Variants in SORBS2 observed in about 807,000 individuals in gnomAD.
The protein encoded by SORBS2 is sorbin and SH3 domain-containing protein 2.
A neutral mutation model predicts 97.7 loss-of-function variants in SORBS2; 46 were observed. That is an observed-to-expected ratio of 0.47 (90% CI 0.37 to 0.60). The LOEUF (loss-of-function observed/expected upper bound fraction) is 0.60. SORBS2 is among the 20% of genes least tolerant of loss of function. The pLI is 0.00. For missense variants in SORBS2, 1,316 were observed against 1,282.3 expected (o/e 1.03, Z -0.40); for synonymous variants, 476 against 473.4 (o/e 1.01, Z -0.07).
At position 185,638,866 on chromosome 4, in the gene SORBS2, A is replaced by G; in HGVS notation, c.396+7802T>C. On this transcript the variant is annotated intron_variant, in intron 4 of 14. Transcript: ENST00000418609. ...CGGGCATGAAGAAAGGTAAGGAAGG[A>G]AGGAGCTCACCCGGGTGGGAGACAG... 6.9e-7 allele frequency: 1 copy of G among 1,453,304 alleles called. No homozygotes were observed. The allele number at this position is 1,453,304 out of a possible 1,614,324, so 90.0% of individuals were successfully genotyped here.
At chr4:185,899,873 T>A (rs2099246785) in intron 1 of SORBS2, among the ~76,000 whole-genome samples, 2 of 152,018 alleles carry the variant, frequency 1.3e-5, no homozygotes, top group African/African-American at 2.4e-5. Flanking sequence ...GGGGTAAAGT[T>A]GGAAATATGA....
At chr4:185,919,074 G>A (rs2099259737) in intron 1 of SORBS2, among the ~76,000 whole-genome samples, 1 of 152,102 alleles carries the variant, frequency 6.6e-6, no homozygotes, top group African/African-American at 2.4e-5. Flanking sequence ...TTAGAACAAG[G>A]GACACTGGGA....
chr4:185,813,941 T>C (rs1460285606), intron 1 of SORBS2, among the ~76,000 whole-genome samples: 1 of 152,184 alleles, frequency 6.6e-6, no homozygotes, highest in Non-Finnish European at 1.5e-5. Flanking sequence ...ATGTCTTCTT[T>C]GCCCTCCATG....
chr4:185,912,981 T>C (rs2099256157), intron 1 of SORBS2, among the ~76,000 whole-genome samples: 1 of 149,876 alleles, frequency 6.7e-6, no homozygotes, highest in South Asian at 2.2e-4. Flanking sequence ...TCCTGGATGA[T>C]GAACATTTTG....
chr4:185,832,958 A>C (rs1012077198), intron 1 of SORBS2, among the ~76,000 whole-genome samples: 7 of 152,192 alleles, frequency 4.6e-5, no homozygotes, highest in Non-Finnish European at 1.5e-5. Context: ...ATCCTTGATA[A>C]AATTCTTTTC....
chr4:185,783,648 C>T (rs985300518), intron 1 of SORBS2, among the ~76,000 whole-genome samples: 10 of 152,130 alleles, frequency 6.6e-5, no homozygotes, highest in Middle Eastern at 6.3e-3. Flanking sequence ...TGTTCAGACC[C>T]TCGGGGTAAG....
Position 185,656,635 on chromosome 4 carries a change from T to A in SORBS2, c.4A>T (p.Lys2Ter), listed in dbSNP as rs2097409328. ...TTCACCTGCAAAGGTGTTGTTGCTTTCATCCTGTCCCCGGCTTCCTTCTCC... is the reference window on the plus strand; with the variant it reads ...TTCACCTGCAAAGGTGTTGTTGCTTACATCCTGTCCCCGGCTTCCTTCTCC... The change falls in exon 1 of 15, where the codon AAA becomes TAA. Residue 2 changes from lysine (K) to a stop codon, truncating the protein, a stop_gained. Coordinates refer to ENST00000418609, the Ensembl canonical transcript of SORBS2. LOFTEE classifies it high-confidence loss of function. The A allele has an allele frequency of 6.4e-7, 1 of 1,551,098 alleles. No individual in the cohort carries two copies.
intron 2 of SORBS2, among the ~76,000 whole-genome samples, chr4:185,688,289 G>C (rs530055138): frequency 6.6e-6 from 1 of 151,896 alleles, no homozygotes; most frequent in South Asian, 2.1e-4. Flanking sequence ...TTTTAGCCGT[G>C]GTGACCAACA....
intron 1 of SORBS2, among the ~76,000 whole-genome samples, chr4:185,862,093 C>A (rs1368983406): frequency 1.3e-5 from 2 of 152,074 alleles, no homozygotes; most frequent in Non-Finnish European, 2.9e-5. Context: ...AAGAAAATTT[C>A]CAGAAACACT....
intron 12 of SORBS2, among the ~76,000 whole-genome samples, chr4:185,597,180 A>G (rs892306147): frequency 1.3e-5 from 2 of 152,222 alleles, no homozygotes; most frequent in Admixed American, 1.3e-4. Flanking sequence ...AAGACGGCTC[A>G]TCTGCGTCTT....
chr4:185,691,180 G>A (rs1017145226), intron 2 of SORBS2, among the ~76,000 whole-genome samples: 1 of 152,038 alleles, frequency 6.6e-6, no homozygotes, highest in Non-Finnish European at 1.5e-5. Context: ...GATTACAGGC[G>A]TGAGCCACCG....
chr4:185,910,533 TTTA>T (rs2099254366), intron 1 of SORBS2, among the ~76,000 whole-genome samples: 1 of 152,124 alleles, frequency 6.6e-6, no homozygotes, highest in Non-Finnish European at 1.5e-5. Flanking sequence ...GTATGAAACT[TTTA>T]TTATTCATTT....
intron 12 of SORBS2, among the ~76,000 whole-genome samples, chr4:185,599,554 T>TA (rs1372556330): frequency 1.3e-5 from 2 of 152,002 alleles, no homozygotes; most frequent in Non-Finnish European, 2.9e-5. Flanking sequence ...ATCATGGATT[T>TA]AAAAAAAATC....
chr4:185,894,905 C>T (rs542911913), intron 1 of SORBS2, among the ~76,000 whole-genome samples: 5 of 152,304 alleles, frequency 3.3e-5, no homozygotes, highest in African/African-American at 1.2e-4. Flanking sequence ...ACAGGAGGGG[C>T]ATGATCACAC....
At chr4:185,724,453 A>G (rs1001390527) in intron 2 of SORBS2, among the ~76,000 whole-genome samples, 2 of 152,138 alleles carry the variant, frequency 1.3e-5, no homozygotes, top group African/African-American at 4.8e-5. Context: ...ACAAAACAGT[A>G]TCCTATGGGC....
chr4:185,925,649 T>G (rs34146217), intron 1 of SORBS2, among the ~76,000 whole-genome samples: 1 of 152,002 alleles, frequency 6.6e-6, no homozygotes, highest in South Asian at 2.1e-4. Context: ...ATTTACTCAC[T>G]CTACACATTT....
intron 1 of SORBS2, among the ~76,000 whole-genome samples, chr4:185,848,830 G>T (rs1225303664): frequency 6.6e-6 from 1 of 151,342 alleles, no homozygotes; most frequent in Non-Finnish European, 1.5e-5. Context: ...AAGTCTGCTG[G>T]GTTCAGTACT....
At position 185,606,204 on chromosome 4, in the gene SORBS2, T is replaced by C. The variant is rs974230069; in HGVS notation, c.2796+5576A>G. On this transcript the variant is annotated intron_variant, in intron 12 of 14. Coordinates refer to ENST00000418609, the Ensembl canonical transcript of SORBS2. This position sits in a 1 kb window ranked among gnomAD's most constrained non-coding sequence, Gnocchi z 4.3. ...CTTCTCTAAAGTGGGGATGATAATG[T>C]CACACACCTCACTGGGTTTTGACGA... 3.7e-5 allele frequency: 36 copies of C among 985,452 alleles called. No individual in the cohort carries two copies. The East Asian group carries it at 1.0e-3, about 28-fold the overall frequency. The allele number at this position is 985,452 out of a possible 1,614,324, so 61.0% of individuals were successfully genotyped here. A position where few individuals can be genotyped will look rare whatever the true frequency, so the allele number is the denominator to read the frequency against.
chr4:185,712,820 C>T (rs893552765), intron 2 of SORBS2, among the ~76,000 whole-genome samples: 14 of 152,178 alleles, frequency 9.2e-5, no homozygotes, highest in African/African-American at 3.1e-4. Context: ...ATGAGGCACC[C>T]CCCTCGCAAG....
Sources: allele counts gnomAD v4.1 joint callset (sites outside exome capture counted in the v4.1 genomes callset), GRCh38; gene constraint gnomAD v4.1.1; non-coding constraint Gnocchi (gnomAD v3.1); transcripts MANE v1.5; gene names NCBI Gene and HGNC (gene_info 2026-07-23, HGNC 2026-07-21).